The following CEND1 variants were observed in gnomAD, a reference collection of about 807,000 sequenced individuals.
CEND1 encodes cell cycle exit and neuronal differentiation 1.
CEND1 carries 1 observed loss-of-function variant against 4.4 expected under a neutral mutation model. The observed-to-expected ratio is 0.23, with a 90% confidence interval of 0.08 to 1.09. The LOEUF (loss-of-function observed/expected upper bound fraction) is 1.09. Among genes scored for constraint, CEND1 ranks in the 50% least tolerant of loss-of-function variants. CEND1 has a pLI of 0.55. For synonymous variants in CEND1, 109 were observed against 93.0 expected (o/e 1.17, Z -0.99); for missense variants, 213 against 201.2 (o/e 1.06, Z -0.35).
intron 1 of CEND1, among the ~76,000 whole-genome samples, chr11:789,418 G>A (rs1034431087): frequency 6.6e-6 from 1 of 152,244 alleles, no homozygotes; most frequent in Non-Finnish European, 1.5e-5. Flanking sequence ...GTTAAACAGG[G>A]TGGGCACATG....
chr11:788,285 C>A lies in CEND1; in HGVS notation c.292G>T (p.Gly98Trp). The A allele has an allele frequency of 6.2e-7, 1 of 1,613,058 alleles. No individual in the cohort carries two copies. Among genetic ancestry groups the A allele is most frequent in the South Asian group, 1.1e-5 (1 of 91,044 alleles). Residue 98 changes from glycine to tryptophan, a missense_variant, in exon 2 of 2, where the codon GGG becomes TGG. Physicochemically the swap from Gly to Trp is radical, Grantham distance 184. Transcript: ENST00000330106. The stretch of plus-strand genomic sequence containing the variant: ...GCCTCATCTTCCTCCGCCCCGTCCC[C>A]AGGACCCTTGGGCTCCGGGGTTGCA... ...PDATPEPKGP[G>W]DGAEEDEAAS...
intron 1 of CEND1, among the ~76,000 whole-genome samples, chr11:789,160 G>A (rs984241634): frequency 3.9e-5 from 6 of 152,170 alleles, no homozygotes; most frequent in Middle Eastern, 3.2e-3. Context: ...GGAGGAGGGC[G>A]GGGAGGGGCA....
At chr11:789,900 A>G (rs1156375580) in intron 1 of CEND1, 130 bp downstream of exon 1, 1 of 152,766 alleles carries the variant, frequency 6.5e-6, no homozygotes, top group Non-Finnish European at 1.5e-5. Context: ...CCCGGGATCA[A>G]CTGAGCCCTG....
In CEND1 at chr11:787,840, C is replaced by A; in HGVS notation, c.*287G>T. On this transcript the variant is annotated 3_prime_UTR_variant, in exon 2 of 2. Coordinates refer to ENST00000330106, the MANE Select transcript of CEND1 (RefSeq NM_016564.4). ...CAGCCGCCAGGGGTGGGGGGGGCCA[C>A]ACACAGGGTCCATTCCTTTCTTGCC... 1 of 256,082 alleles carries A rather than the reference C, an allele frequency of 3.9e-6. No homozygotes were observed. The highest frequency in any genetic ancestry group is 7.3e-6 in the Non-Finnish European group (1 of 136,158). The allele number at this position is 256,082 out of a possible 1,614,324, so 15.9% of individuals were successfully genotyped here. A position where few individuals can be genotyped will look rare whatever the true frequency, so the allele number is the denominator to read the frequency against.
chr11:788,095 T>C lies in CEND1; in HGVS notation c.*32A>G, dbSNP rs776004852. ...GGCTTCCTCGGGTCTGTACAGGAAG[T>C]GGCTCCGTGCCCCCCGCCTGGCCCC... is the stretch of plus-strand genomic sequence containing the variant. On this transcript the variant is annotated 3_prime_UTR_variant, in exon 2 of 2. Coordinates refer to ENST00000330106, the MANE Select transcript of CEND1 (RefSeq NM_016564.4). 2.0e-6 allele frequency: 3 copies of C among 1,477,946 alleles called. No individual in the cohort carries two copies. Among genetic ancestry groups the C allele is most frequent in the Non-Finnish European group, 1.8e-6 (2 of 1,116,152 alleles). 91.6% of individuals were successfully genotyped at this position (1,477,946 alleles called of 1,614,324 possible).
intron 1 of CEND1, among the ~76,000 whole-genome samples, chr11:788,878 C>T (rs540174970): frequency 6.8e-4 from 103 of 152,302 alleles, no homozygotes; most frequent in Non-Finnish European, 1.3e-3. Flanking sequence ...GCAAGGGCCA[C>T]GCACAGGTGG....
chr11:788,026 ATG>A lies in CEND1; in HGVS notation c.*99_*100del. 1 of 927,420 alleles carries A rather than the reference ATG, an allele frequency of 1.1e-6. No individual in the cohort carries two copies. The allele number at this position is 927,420 out of a possible 1,614,324, so 57.4% of individuals were successfully genotyped here. A position where few individuals can be genotyped will look rare whatever the true frequency, so the allele number is the denominator to read the frequency against. On this transcript the variant is annotated 3_prime_UTR_variant, in exon 2 of 2. Transcript: ENST00000330106. Reference sequence around the variant, plus strand: ...GGGGGCGTATGTAGGTGTGTAATGAATGTGCGTGTGTACGAATAGGTAAGGGT... The same window carrying A: ...GGGGGCGTATGTAGGTGTGTAATGAATGCGTGTGTACGAATAGGTAAGGGT...
Position 788,566 on chromosome 11 carries a change from C to T in CEND1, c.11G>A (p.Arg4Lys), listed in dbSNP as rs1864391345. 1 of 1,516,800 alleles carries T rather than the reference C, an allele frequency of 6.6e-7. No homozygotes were observed. Among genetic ancestry groups the T allele is most frequent in the African/African-American group, 1.4e-5 (1 of 71,756 alleles). The allele number at this position is 1,516,800 out of a possible 1,614,324, so 94.0% of individuals were successfully genotyped here. The change falls in exon 2 of 2, where the codon AGA becomes AAA. Residue 4 changes from arginine to lysine, a missense_variant. By Grantham distance (26) the Arg-to-Lys change is conservative. Transcript: ENST00000330106. MES[R>K]GKSASSPKPD... ...CTTGGGGCTGCTGGCTGACTTCCCT[C>T]TGGACTCCATGGTGGGCGGGGCGTA... is the stretch of plus-strand genomic sequence containing the variant.
chr11:789,870 C>G (rs751462579), intron 1 of CEND1, among the ~76,000 whole-genome samples, 160 bp downstream of exon 1: 8 of 152,198 alleles, frequency 5.3e-5, no homozygotes, highest in Non-Finnish European at 1.0e-4. Flanking sequence ...GCACTTACAT[C>G]CCGGCCGCCG....
rs1864365592 is a variant in CEND1, at chr11:787,336, GGTC to G, written c.*788_*790del. 6.5e-6 allele frequency: 1 copy of G among 152,716 alleles called. No homozygotes were observed. Among genetic ancestry groups the G allele is most frequent in the African/African-American group, 2.4e-5 (1 of 41,440 alleles). 9.5% of individuals were successfully genotyped at this position (152,716 alleles called of 1,614,324 possible). On this transcript the variant is annotated 3_prime_UTR_variant, in exon 2 of 2. Transcript: ENST00000330106. Reference sequence around the variant, plus strand: ...CAGTGGGCTGAGGACAGTGTGTGACGGTCGCCGCCAAAAGCAGTTCTACTCTAC... The same window carrying G: ...CAGTGGGCTGAGGACAGTGTGTGACGGCCGCCAAAAGCAGTTCTACTCTAC...
At chr11:789,073 C>T (rs1007700113) in intron 1 of CEND1, among the ~76,000 whole-genome samples, 2 of 152,218 alleles carry the variant, frequency 1.3e-5, no homozygotes, top group African/African-American at 4.8e-5. Context: ...ACTGCATCCC[C>T]TCCTCAGGAG....
chr11:788,521 T>C lies in CEND1; in HGVS notation c.56A>G (p.Gln19Arg). 1 of 1,524,022 alleles carries C rather than the reference T, an allele frequency of 6.6e-7. No homozygotes were observed. The highest frequency in any genetic ancestry group is 8.8e-7 in the Non-Finnish European group (1 of 1,136,370). 94.4% of individuals were successfully genotyped at this position (1,524,022 alleles called of 1,614,324 possible). ...GGGTACCTTGGCCTCGGTGGTGACC[T>C]GGGGCACCTTGGTGTCGGGCTTGGG... ...SSPKPDTKVP[Q>R]VTTEAKVPPA... The change falls in exon 2 of 2, where the codon CAG becomes CGG. Residue 19 changes from glutamine to arginine, a missense_variant. Transcript: ENST00000330106.
At position 787,869 on chromosome 11, in the gene CEND1, C is replaced by T. The variant is rs574421241; in HGVS notation, c.*258G>A. The T allele has an allele frequency of 2.5e-5, 8 of 323,172 alleles. No individual in the cohort carries two copies. The South Asian group carries it at 1.2e-3, about 48-fold the overall frequency. 20.0% of individuals were successfully genotyped at this position (323,172 alleles called of 1,614,324 possible). A position where few individuals can be genotyped will look rare whatever the true frequency, so the allele number is the denominator to read the frequency against. On this transcript the variant is annotated 3_prime_UTR_variant, in exon 2 of 2. Coordinates refer to ENST00000330106, the MANE Select transcript of CEND1 (RefSeq NM_016564.4). ...CAGGGTCCATTCCTTTCTTGCCGTT[C>T]CCCAGCTGTGCCCTCGCCCCACATC... is the stretch of plus-strand genomic sequence containing the variant.
rs1242309694 is a variant in CEND1 at position 787,728 on chromosome 11, A to C, written c.*399T>G. The C allele has an allele frequency of 6.2e-6, 1 of 162,122 alleles. No individual in the cohort carries two copies. The highest frequency in any genetic ancestry group is 1.3e-5 in the Non-Finnish European group (1 of 75,130). The allele number at this position is 162,122 out of a possible 1,614,324, so 10.0% of individuals were successfully genotyped here. A position where few individuals can be genotyped will look rare whatever the true frequency, so the allele number is the denominator to read the frequency against. On this transcript the variant is annotated 3_prime_UTR_variant, in exon 2 of 2. Coordinates refer to ENST00000330106, the MANE Select transcript of CEND1 (RefSeq NM_016564.4). ...GGCGAGTGGAGCCACCGCGCCCTTT[A>C]ATGTCCCCACGAGGGCCGGGCCCAG... is the stretch of plus-strand genomic sequence containing the variant.
In CEND1 at chr11:788,442, C is replaced by G; in HGVS notation, c.135G>C (p.Pro45=). 1 of 1,578,344 alleles carries G rather than the reference C, an allele frequency of 6.3e-7. No homozygotes were observed. The highest frequency in any genetic ancestry group is 1.1e-5 in the South Asian group (1 of 87,908). ...CTGCTGGCGGCTGCTGCTTCTCGGC[C>G]GGGGCCTCCTTCTTCGAGGGCTTGG... ...PLTKPSKKEA[P]AEKQQPPAAP... is the part of the protein sequence containing the mutation. The change falls in exon 2 of 2, where the codon CCG becomes CCC. Residue 45 remains proline (P), a synonymous_variant. Coordinates refer to ENST00000330106, the MANE Select transcript of CEND1 (RefSeq NM_016564.4).
Position 787,691 on chromosome 11 carries a change from G to A in CEND1, c.*436C>T, listed in dbSNP as rs1565030132. On this transcript the variant is annotated 3_prime_UTR_variant, in exon 2 of 2. Coordinates refer to ENST00000330106, the MANE Select transcript of CEND1 (RefSeq NM_016564.4). ...GGCAGACCCCCGGGGGGTACGCAAA[G>A]AGCAGAAATGGGGCGAGTGGAGCCA... The A allele has an allele frequency of 6.5e-6, 1 of 154,282 alleles. No individual in the cohort carries two copies. Among genetic ancestry groups the A allele is most frequent in the Admixed American group, 6.5e-5 (1 of 15,326 alleles). 9.6% of individuals were successfully genotyped at this position (154,282 alleles called of 1,614,324 possible).
intron 1 of CEND1, among the ~76,000 whole-genome samples, chr11:789,528 C>CT (rs1288561281): frequency 2.6e-5 from 4 of 152,200 alleles, no homozygotes; most frequent in Non-Finnish European, 5.9e-5. Flanking sequence ...GGGAAGGGCC[C>CT]TGGGGGCCCA....
rs1864363301 is a variant in CEND1, at chr11:787,132, A to G, written c.*995T>C. The G allele has an allele frequency of 6.6e-6, 1 of 152,294 alleles. No homozygotes were observed. The highest frequency in any genetic ancestry group is 1.5e-5 in the Non-Finnish European group (1 of 68,074). The allele number at this position is 152,294 out of a possible 1,614,324, so 9.4% of individuals were successfully genotyped here. ...GAGCAGCCTTCAGACGACAGAGTTT[A>G]TTTCAGACTCAGCCTCCACTCAGGC... On this transcript the variant is annotated 3_prime_UTR_variant, in exon 2 of 2. Transcript: ENST00000330106.
At chr11:788,724 G>A in intron 1 of CEND1, 66 bp from the exon 2 acceptor site, 1 of 659,608 alleles carries the variant, frequency 1.5e-6, no homozygotes, top group South Asian at 4.9e-5. Context: ...CGACCACCTG[G>A]TCCCCAGGCA....
Sources: gnomAD v4.1 joint callset for allele counts (sites outside exome capture counted in the v4.1 genomes callset) on GRCh38, gnomAD v4.1.1 for gene constraint, MANE v1.5 for transcripts, NCBI Gene and HGNC (gene_info 2026-07-23, HGNC 2026-07-21) for gene names.